The following CLIP2 variants were observed in gnomAD, a reference collection of about 807,000 sequenced individuals.
CLIP2 encodes CAP-Gly domain containing linker protein 2, also known as CAP-Gly domain-containing linker protein 2.
In CLIP2, 41 loss-of-function variants were observed where a neutral mutation model predicts 111.7. The ratio of observed to expected loss-of-function variants is 0.37; its 90% confidence interval spans 0.29 to 0.48. The LOEUF is 0.48. CLIP2 is among the 20% of genes least tolerant of loss of function. CLIP2 has a pLI of 0.99. For missense variants in CLIP2, 1,160 were observed against 1,422.1 expected (o/e 0.82, Z 2.96); for synonymous variants, 660 against 644.2 (o/e 1.02, Z -0.37).
intron 3 of CLIP2, among the ~76,000 whole-genome samples, chr7:74,347,392 C>A (rs1554306541): frequency 1.3e-5 from 2 of 152,170 alleles, no homozygotes; most frequent in African/African-American, 4.8e-5. Flanking sequence ...CCTCAGCCTC[C>A]CGGGTAGCTG....
chr7:74,359,155 G>C (rs1322987008), intron 6 of CLIP2, among the ~76,000 whole-genome samples: 2 of 151,242 alleles, frequency 1.3e-5, no homozygotes, highest in African/African-American at 2.4e-5. Flanking sequence ...TTTTAGTAGA[G>C]AAGGGGTTTC....
intron 8 of CLIP2, among the ~76,000 whole-genome samples, chr7:74,366,393 C>T (rs1352615278): frequency 6.6e-6 from 1 of 152,194 alleles, no homozygotes; most frequent in Non-Finnish European, 1.5e-5. Context: ...GGCCTCCATG[C>T]CCTGGAATGA....
At chr7:74,295,044 TTG>T (rs1788131298) in intron 1 of CLIP2, among the ~76,000 whole-genome samples, 1 of 152,140 alleles carries the variant, frequency 6.6e-6, no homozygotes, top group Admixed American at 6.6e-5. Context: ...CACTGCAGCT[TTG>T]ACCTCCCAGG....
rs1040356929 is a variant in CLIP2 at position 74,290,533 on chromosome 7, G to C, written c.-68+799G>C. Among the ~76,000 whole-genome samples the C allele has an allele frequency of 3.9e-5, 6 of 152,342 alleles. No individual in the cohort carries two copies. The East Asian group carries it at 9.7e-4, about 25-fold the overall frequency. ...CCACGCAGGCCCCAGCCCCACCCTG[G>C]GAAGGACGGGCAGAGGGAGCACCTT... On this transcript the variant is annotated intron_variant, in intron 1 of 16. Coordinates refer to ENST00000223398, the MANE Select transcript of CLIP2 (RefSeq NM_003388.5).
At chr7:74,396,979 T>A (rs1562730879) in intron 13 of CLIP2, 95 bp from the exon 14 acceptor site, 5 of 1,462,864 alleles carry the variant, frequency 3.4e-6, no homozygotes, top group East Asian at 4.6e-5. Flanking sequence ...CCCCCACCAG[T>A]TGGTCAGCCC....
intron 4 of CLIP2, among the ~76,000 whole-genome samples, chr7:74,355,865 A>G (rs1790127695): frequency 6.6e-6 from 1 of 152,080 alleles, no homozygotes; most frequent in South Asian, 2.1e-4. Context: ...GTGGGCAGAG[A>G]GCTGATGGGA....
chr7:74,362,342 C>T (rs925421955), intron 7 of CLIP2, among the ~76,000 whole-genome samples: 41 of 152,066 alleles, frequency 2.7e-4, no homozygotes, highest in Non-Finnish European at 5.4e-4. Context: ...CCCAACACCC[C>T]CACTTGGGTC....
chr7:74,394,544 C>CGGGCCCAGCATTTG (rs1438238356), intron 13 of CLIP2, among the ~76,000 whole-genome samples: 1 of 152,192 alleles, frequency 6.6e-6, no homozygotes, highest in African/African-American at 2.4e-5. Flanking sequence ...GCCACCGCCC[C>CGGGCCCAGCATTTG]GGGCCCAGCA....
At chr7:74,299,949 G>A (rs1163943088) in intron 1 of CLIP2, among the ~76,000 whole-genome samples, 1 of 151,976 alleles carries the variant, frequency 6.6e-6, no homozygotes, top group Non-Finnish European at 1.5e-5. Context: ...CACCTGCCTT[G>A]GCCTCCCAAA....
At chr7:74,385,025 C>G (rs1791046622) in intron 11 of CLIP2, among the ~76,000 whole-genome samples, 1 of 150,438 alleles carries the variant, frequency 6.6e-6, no homozygotes, top group Non-Finnish European at 1.5e-5. Flanking sequence ...GCCTATAATC[C>G]CAACACTTTG....
At chr7:74,337,038 A>C (rs1456593171) in intron 2 of CLIP2, among the ~76,000 whole-genome samples, 1 of 151,100 alleles carries the variant, frequency 6.6e-6, no homozygotes, top group African/African-American at 2.4e-5. Context: ...GGCACCCACT[A>C]CCACATCCGG....
At chr7:74,353,822 G>A in intron 3 of CLIP2, 58 bp from the exon 4 acceptor site, 1 of 1,612,796 alleles carries the variant, frequency 6.2e-7, no homozygotes, top group South Asian at 1.1e-5. Context: ...GGGTGCCCCT[G>A]CCATCTCTGC....
rs1478628381 is a variant in CLIP2 at position 74,305,855 on chromosome 7, A to ACCCCCC, written c.-67-11621_-67-11616dup. Among the ~76,000 whole-genome samples the ACCCCCC allele has an allele frequency of 2.1e-3, 111 of 52,248 alleles. 1 individual carries two copies. Among genetic ancestry groups the ACCCCCC allele is most frequent in the African/African-American group, 2.9e-3 (21 of 7,120 alleles). 34.3% of individuals were successfully genotyped at this position (52,248 alleles called of 152,430 possible). On this transcript the variant is annotated intron_variant, in intron 1 of 16. Coordinates refer to ENST00000223398, the MANE Select transcript of CLIP2 (RefSeq NM_003388.5). The stretch of plus-strand genomic sequence containing the variant: ...AGCTGGCTTCTCTCCCTGCACCCCA[A>ACCCCCC]CCCCCCCCCACCGCCCCTGCTGCCA...
At position 74,375,546 on chromosome 7, in the gene CLIP2, CAAAAAAAAAAAAAAAA is replaced by C. The variant is rs34885959; in HGVS notation, c.1486-329_1486-314del. On this transcript the variant is annotated intron_variant, in intron 9 of 16. Transcript: ENST00000223398. ...CCAGCCTGCGTGACAGAGCGAGACT[CAAAAAAAAAAAAAAAA>C]AAAAAAAAAAAGCTGTAACCTCAAA... 2.4e-4 allele frequency among the ~76,000 whole-genome samples: 8 copies of C among 33,160 alleles called. 1 individual carries two copies. The highest frequency in any genetic ancestry group is 3.9e-4 in the Non-Finnish European group (8 of 20,370). The allele number at this position is 33,160 out of a possible 152,430, so 21.8% of individuals were successfully genotyped here. A position where few individuals can be genotyped will look rare whatever the true frequency, so the allele number is the denominator to read the frequency against.
At chr7:74,399,579 G>A (rs1268083875) in intron 14 of CLIP2, among the ~76,000 whole-genome samples, 5 of 143,174 alleles carry the variant, frequency 3.5e-5, no homozygotes, top group East Asian at 4.4e-4. Flanking sequence ...TCACTCTGTC[G>A]CCCAGGCTGG....
intron 3 of CLIP2, among the ~76,000 whole-genome samples, chr7:74,351,545 T>C (rs1277847817): frequency 6.6e-6 from 1 of 151,470 alleles, no homozygotes; most frequent in Non-Finnish European, 1.5e-5. Flanking sequence ...CTAAAATAAG[T>C]AGTAAACCAG....
intron 2 of CLIP2, among the ~76,000 whole-genome samples, chr7:74,325,892 G>C (rs1043026269): frequency 3.3e-5 from 5 of 151,874 alleles, no homozygotes; most frequent in Non-Finnish European, 7.4e-5. Context: ...GGTGAGGACT[G>C]ATGGGACTGA....
Position 74,305,526 on chromosome 7 carries a change from C to T in CLIP2, c.-67-11954C>T, listed in dbSNP as rs1310906758. ...TGTTTGTTTTTGAGACGGAGTCTCA[C>T]TTTGTCGCCCAGGCTGGAGTGCAAT... On this transcript the variant is annotated intron_variant, in intron 1 of 16. Coordinates refer to ENST00000223398, the MANE Select transcript of CLIP2 (RefSeq NM_003388.5). Among the ~76,000 whole-genome samples, 3 of 152,312 alleles carry T rather than the reference C, an allele frequency of 2.0e-5. No individual in the cohort carries two copies. The East Asian group carries it at 5.8e-4, about 29-fold the overall frequency.
At chr7:74,294,573 T>G (rs1457204671) in intron 1 of CLIP2, among the ~76,000 whole-genome samples, 1 of 152,112 alleles carries the variant, frequency 6.6e-6, no homozygotes, top group East Asian at 1.9e-4. Context: ...AATTTCCGGC[T>G]CACCAGGAGG....
Sources: allele counts gnomAD v4.1 joint callset (sites outside exome capture counted in the v4.1 genomes callset), GRCh38; gene constraint gnomAD v4.1.1; transcripts MANE v1.5; gene names NCBI Gene and HGNC (gene_info 2026-07-23, HGNC 2026-07-21).